MAOA: variants seen among roughly 807,000 people sequenced by gnomAD.
MAOA encodes monoamine oxidase A, also known as amine oxidase [flavin-containing] A.
In MAOA, 6 loss-of-function variants were observed where a neutral mutation model predicts 42.0. That is an observed-to-expected ratio of 0.14 (90% CI 0.08 to 0.28). The LOEUF (loss-of-function observed/expected upper bound fraction) is 0.28, where lower values mean the gene tolerates loss of function less well. Ranked by LOEUF, MAOA falls within the 10% of genes least tolerant of loss-of-function variation. MAOA has a pLI of 1.00. For synonymous variants in MAOA, 140 were observed against 154.0 expected (o/e 0.91, Z 0.67); for missense variants, 262 against 422.3 (o/e 0.62, Z 3.33).
At chrX:43,675,533 C>A (rs1282820831) in intron 1 of MAOA, among the ~76,000 whole-genome samples, 1 of 112,189 alleles carries the variant, frequency 8.9e-6, no homozygotes, top group African/African-American at 3.2e-5. Flanking sequence ...TTTAGAGTTT[C>A]CAGTTTTTCT....
chrX:43,698,080 T>C lies in MAOA; in HGVS notation c.306+4652T>C, dbSNP rs756647134. ...AGCTTTCATAATCTAATACAGTCAA[T>C]ATTCGTTTTTGTAAATAACACTGAA... On this transcript the variant is annotated intron_variant, in intron 3 of 14. Coordinates refer to ENST00000338702, the MANE Select transcript of MAOA (RefSeq NM_000240.4). 5.3e-5 allele frequency among the ~76,000 whole-genome samples: 6 copies of C among 112,293 alleles called. No homozygotes were observed. In the South Asian group the frequency reaches 2.2e-3, roughly 41 times the overall value.
intron 1 of MAOA, among the ~76,000 whole-genome samples, chrX:43,681,880 A>T (rs12843650): frequency 0.44 from 38,281 of 87,491 alleles, 8,420 homozygotes; most frequent in Non-Finnish European, 0.57. Context: ...ATATATATAT[A>T]TTTTTTTTTT....
intron 5 of MAOA, among the ~76,000 whole-genome samples, 159 bp downstream of exon 5, chrX:43,712,955 G>C (rs1269569189): frequency 8.9e-6 from 1 of 112,496 alleles, no homozygotes; most frequent in Non-Finnish European, 1.9e-5. Flanking sequence ...CCTCAAAGTA[G>C]GTTAGAACAG....
intron 3 of MAOA, among the ~76,000 whole-genome samples, chrX:43,698,141 A>G (rs1451904793): frequency 2.7e-5 from 3 of 112,392 alleles, no homozygotes; most frequent in Non-Finnish European, 5.6e-5. Flanking sequence ...AGATAAACCA[A>G]TCAATAATCT....
intron 5 of MAOA, among the ~76,000 whole-genome samples, chrX:43,716,026 G>A (rs1032245560): frequency 9.1e-6 from 1 of 110,205 alleles, no homozygotes; most frequent in Non-Finnish European, 1.9e-5. Context: ...GACCCACAGG[G>A]GCAAGGGGGT....
intron 10 of MAOA, among the ~76,000 whole-genome samples, chrX:43,739,594 T>C (rs1407988482): frequency 8.9e-6 from 1 of 112,109 alleles, no homozygotes; most frequent in Non-Finnish European, 1.9e-5. Context: ...TATTTCTAAA[T>C]CTCTATTTCT....
At chrX:43,678,064 A>G (rs912761437) in intron 1 of MAOA, among the ~76,000 whole-genome samples, 13 of 111,919 alleles carry the variant, frequency 1.2e-4, no homozygotes, top group Non-Finnish European at 2.3e-4. Context: ...TTTAATAGAC[A>G]ATAATGTTAG....
intron 1 of MAOA, among the ~76,000 whole-genome samples, 161 bp from the exon 2 acceptor site, chrX:43,683,352 T>C (rs1311488483): frequency 8.9e-6 from 1 of 112,006 alleles, no homozygotes; most frequent in African/African-American, 3.2e-5. Context: ...TAATAAAAAT[T>C]GGTGGCTCAC....
At chrX:43,737,800 G>A (rs953715018) in intron 10 of MAOA, among the ~76,000 whole-genome samples, 2 of 111,819 alleles carry the variant, frequency 1.8e-5, no homozygotes, top group African/African-American at 3.3e-5. Flanking sequence ...GTGACAAAAA[G>A]TCTGGAGTAG....
At chrX:43,742,663 A>G (rs1159009856) in intron 12 of MAOA, among the ~76,000 whole-genome samples, 1 of 112,060 alleles carries the variant, frequency 8.9e-6, no homozygotes, top group Non-Finnish European at 1.9e-5. Context: ...GCCCAAAGTG[A>G]TAGCCTCCTA....
At chrX:43,673,294 A>G (rs756470402) in intron 1 of MAOA, among the ~76,000 whole-genome samples, 134 of 110,727 alleles carry the variant, frequency 1.2e-3, no homozygotes, top group African/African-American at 3.7e-3. Flanking sequence ...TATCCCCTTT[A>G]TCATCTTTTA....
At chrX:43,721,456 G>A (rs1298586965) in intron 5 of MAOA, among the ~76,000 whole-genome samples, 4 of 111,051 alleles carry the variant, frequency 3.6e-5, no homozygotes, top group Non-Finnish European at 7.5e-5. Context: ...TTTAAGCAGA[G>A]GGTTTTTTGA....
intron 3 of MAOA, among the ~76,000 whole-genome samples, chrX:43,696,565 T>A (rs954502517): frequency 2.1e-4 from 23 of 110,388 alleles, no homozygotes; most frequent in African/African-American, 7.6e-4. Flanking sequence ...TCATCTCCAC[T>A]AAAAATACAA....
At chrX:43,732,671 T>C in intron 8 of MAOA, 28 bp from the exon 9 acceptor site, 1 of 1,003,445 alleles carries the variant, frequency 1.0e-6, no homozygotes, top group Non-Finnish European at 1.4e-6. Context: ...TTGATCTCGA[T>C]CTCCCATTGA....
At chrX:43,731,157 G>A (rs1030264611) in intron 6 of MAOA, 84 bp from the exon 7 acceptor site, 1 of 980,242 alleles carries the variant, frequency 1.0e-6, no homozygotes, top group African/African-American at 1.9e-5. Flanking sequence ...GTGACTTTCT[G>A]GAGGTTTTCT....
At chrX:43,684,765 A>G (rs2033471498) in intron 2 of MAOA, among the ~76,000 whole-genome samples, 1 of 111,443 alleles carries the variant, frequency 9.0e-6, no homozygotes, top group African/African-American at 3.3e-5. Context: ...AAGCAATGCA[A>G]ACATTTGATT....
At position 43,683,607 on chromosome X, in the gene MAOA, G is replaced by C; in HGVS notation, c.168G>C (p.Arg56Ser). ...TTGGAGGAAGAACATATACTATAAG[G>C]GTAAGTGATTTTAATACTTACATGT... ...DRVGGRTYTIRNEHVDYVDVG... is the reference protein window; with the variant it reads ...DRVGGRTYTISNEHVDYVDVG... Residue 56 changes from arginine to serine, a missense_variant and splice_region_variant, in exon 2 of 15, where the codon AGG becomes AGC. Around this residue, in one of 3 missense-constraint regions of MAOA, gnomAD observed 141 missense variants for 195.6 expected, o/e 0.72. Transcript: ENST00000338702. 5.1e-6 allele frequency: 6 copies of C among 1,182,021 alleles called. No individual in the cohort carries two copies. The highest frequency in any genetic ancestry group is 6.9e-6 in the Non-Finnish European group (6 of 869,128).
At chrX:43,664,419 G>C (rs1299853618) in intron 1 of MAOA, among the ~76,000 whole-genome samples, 1 of 111,523 alleles carries the variant, frequency 9.0e-6, no homozygotes, top group Non-Finnish European at 1.9e-5. Flanking sequence ...CTGTGTCACA[G>C]GGGTTACAGA....
At chrX:43,728,531 A>G (rs1218753578) in intron 6 of MAOA, among the ~76,000 whole-genome samples, 1 of 112,792 alleles carries the variant, frequency 8.9e-6, no homozygotes, top group Non-Finnish European at 1.9e-5. Context: ...TTTTGAATTA[A>G]TTAGGTTTTG....
Sources: gnomAD v4.1 joint callset for allele counts (sites outside exome capture counted in the v4.1 genomes callset) on GRCh38, gnomAD v4.1.1 for gene constraint, gnomAD v4.1.1 regional missense constraint, MANE v1.5 for transcripts, NCBI Gene and HGNC (gene_info 2026-07-23, HGNC 2026-07-21) for gene names.